ARL10: variants seen among roughly 807,000 people sequenced by gnomAD.
ARL10 encodes ARF like GTPase 10.
ARL10 carries 23 observed loss-of-function variants against 26.1 expected under a neutral mutation model. The ratio of observed to expected loss-of-function variants is 0.88; its 90% CI spans 0.63 to 1.25. The LOEUF (loss-of-function observed/expected upper bound fraction) is 1.25. ARL10 is among the 50% of genes most tolerant of loss of function. The pLI is 0.00. For synonymous variants in ARL10, 138 were observed against 149.1 expected, an observed-to-expected ratio of 0.93 and a Z score of 0.54; for missense variants, 300 against 323.6, an observed-to-expected ratio of 0.93 and a Z score of 0.56.
chr5:176,386,428 C>T (rs181955325), downstream of ARL10: 14 of 298,068 alleles, frequency 4.7e-5, no homozygotes, highest in East Asian at 1.0e-3. Flanking sequence ...AGGGTTTACT[C>T]TCCTCCGTTT....
rs969770797 is a variant in ARL10, at chr5:176,374,244, T to G, written c.*2349T>G. The stretch of plus-strand genomic sequence containing the variant: ...AGCTTTAGGCCAGACTTAATTCAGC[T>G]TCACAGTGTCCCTCATTTTGCTCAG... On this transcript the variant is annotated 3_prime_UTR_variant, in exon 4 of 4. Transcript: ENST00000310389. 2.0e-5 allele frequency: 3 copies of G among 152,212 alleles called. No individual in the cohort carries two copies. The highest frequency in any genetic ancestry group is 7.2e-5 in the African/African-American group (3 of 41,454). 9.4% of individuals were successfully genotyped at this position (152,212 alleles called of 1,614,324 possible).
intron 1 of ARL10, among the ~76,000 whole-genome samples, chr5:176,394,898 G>C (rs1581422561): frequency 6.6e-6 from 1 of 151,980 alleles, no homozygotes; most frequent in South Asian, 2.1e-4. Context: ...ATTTCCTCAG[G>C]CTCAACAGAA....
chr5:176,388,118 T>G, intron 1 of ARL10: 2 of 738,974 alleles, frequency 2.7e-6, no homozygotes, highest in South Asian at 1.8e-5. Flanking sequence ...TGTGGGGAGG[T>G]CGAAAACTCG....
rs1257463829 is a variant in ARL10 at position 176,375,027 on chromosome 5, T to C, written c.*3132T>C. The C allele has an allele frequency of 6.6e-6, 1 of 152,120 alleles. No individual in the cohort carries two copies. Among genetic ancestry groups the C allele is most frequent in the Admixed American group, 6.6e-5 (1 of 15,256 alleles). The allele number at this position is 152,120 out of a possible 1,614,324, so 9.4% of individuals were successfully genotyped here. A position where few individuals can be genotyped will look rare whatever the true frequency, so the allele number is the denominator to read the frequency against. On this transcript the variant is annotated 3_prime_UTR_variant, in exon 4 of 4. Transcript: ENST00000310389. ...AGCTCCTAGCTGGGCAAAGGAAATC[T>C]AAAGCTGCATGAAGTTCCATTACGT... is the stretch of plus-strand genomic sequence containing the variant.
chr5:176,388,980 G>C (rs1340673136), downstream of ARL10: 4 of 1,613,854 alleles, frequency 2.5e-6, no homozygotes, highest in Non-Finnish European at 3.4e-6. Flanking sequence ...ATAGGTAAGT[G>C]GGTGCGGTAG....
downstream of ARL10, chr5:176,385,270 AG>A (rs1443117191): frequency 1.2e-6 from 2 of 1,613,304 alleles, no homozygotes; most frequent in African/African-American, 2.7e-5. Context: ...ATAGTCAATG[AG>A]GTCCCGAGAC....
At chr5:176,385,022 G>A (rs556311921), downstream of ARL10, 6 of 591,294 alleles carry the variant, frequency 1.0e-5, no homozygotes, top group Non-Finnish European at 1.5e-5. Flanking sequence ...AGTGAGACTG[G>A]AACCAAGGTC....
chr5:176,388,611 C>G, exon 2 of ARL10: 1 of 1,452,236 alleles, frequency 6.9e-7, no homozygotes, highest in Non-Finnish European at 9.5e-7. Flanking sequence ...CAAACTCCTT[C>G]CGGAAGGCGT....
chr5:176,387,171 C>G lies in ARL10; in HGVS notation c.37-1124C>G, dbSNP rs530900764. 3.3e-5 allele frequency among the ~76,000 whole-genome samples: 5 copies of G among 152,222 alleles called. No homozygotes were observed. The South Asian group carries it at 1.0e-3, about 32-fold the overall frequency. Reference sequence around the variant, plus strand: ...CAATCTTGGTTGACTGCAACCTCCCCCCGGGTTCAAGTGATCTCCTGCCTC... The same window carrying G: ...CAATCTTGGTTGACTGCAACCTCCCGCCGGGTTCAAGTGATCTCCTGCCTC... On this transcript the variant is annotated intron_variant, in intron 1 of 1. Transcript: ENST00000503175.
Position 176,365,535 on chromosome 5 carries a change from A to T in ARL10, c.-29A>T, listed in dbSNP as rs1768247789. On this transcript the variant is annotated 5_prime_UTR_variant, in exon 1 of 4. Transcript: ENST00000310389. ...CGGGCGAGTGGGCTCGGCCTGTGCA[A>T]CCCGCACCTGCGTCCCTCGCCCGGC... 8.2e-7 allele frequency: 1 copy of T among 1,221,554 alleles called. No homozygotes were observed. The highest frequency in any genetic ancestry group is 1.6e-5 in the African/African-American group (1 of 63,832). The allele number at this position is 1,221,554 out of a possible 1,614,324, so 75.7% of individuals were successfully genotyped here. A position where few individuals can be genotyped will look rare whatever the true frequency, so the allele number is the denominator to read the frequency against.
chr5:176,371,951 G>A lies in ARL10; in HGVS notation c.*56G>A. On this transcript the variant is annotated 3_prime_UTR_variant, in exon 4 of 4. Transcript: ENST00000310389. ...TCAAGACCATAGTTGTACTGCTGCTGCTTCATTGCCAGACTGGGCCTGGGG... is the reference window on the plus strand; with the variant it reads ...TCAAGACCATAGTTGTACTGCTGCTACTTCATTGCCAGACTGGGCCTGGGG... 6.4e-7 allele frequency: 1 copy of A among 1,574,508 alleles called. No homozygotes were observed. The highest frequency in any genetic ancestry group is 8.6e-7 in the Non-Finnish European group (1 of 1,158,508).
At chr5:176,392,680 A>C, downstream of ARL10, 1 of 1,416,880 alleles carries the variant, frequency 7.1e-7, no homozygotes, top group Non-Finnish European at 9.8e-7. This position sits in a 1 kb window ranked among gnomAD's most constrained non-coding sequence, Gnocchi z 5.2. Flanking sequence ...GGCTGTGGGT[A>C]GCAGCTGCTG....
rs540837834 is a variant in ARL10, at chr5:176,367,797, C to G, written c.386-1010C>G. The stretch of plus-strand genomic sequence containing the variant: ...CAGACCACCCAATCCAGGGCCAACC[C>G]CTGTTCCACCTCAGCCACTTTCCCT... On this transcript the variant is annotated intron_variant, in intron 2 of 3. Coordinates refer to ENST00000310389, the MANE Select transcript of ARL10 (RefSeq NM_173664.6). The G allele has an allele frequency of 1.4e-4, 67 of 492,180 alleles. No individual in the cohort carries two copies. The Admixed American group carries it at 1.5e-3, about 11-fold the overall frequency. 30.5% of individuals were successfully genotyped at this position (492,180 alleles called of 1,614,324 possible).
At chr5:176,386,851 T>C (rs1755881699), downstream of ARL10, 12 of 1,614,034 alleles carry the variant, frequency 7.4e-6, no homozygotes, top group Non-Finnish European at 9.3e-6. Flanking sequence ...ATTCAGCACA[T>C]AGGGCTTCCG....
At chr5:176,410,599 C>T in the ARL10 span, among the ~76,000 whole-genome samples, 1 of 152,200 alleles carries the variant, frequency 6.6e-6, no homozygotes, top group Non-Finnish European at 1.5e-5. Flanking sequence ...TGCTCAAAAT[C>T]ACCCAGCCAG....
chr5:176,372,901 A>G lies in ARL10; in HGVS notation c.*1006A>G. On this transcript the variant is annotated 3_prime_UTR_variant, in exon 4 of 4. Transcript: ENST00000310389. ...TCATAGAAAATTTGGAACTTAGGAAAATAGCTGGAATCATGAATGACAATG... is the reference window on the plus strand; with the variant it reads ...TCATAGAAAATTTGGAACTTAGGAAGATAGCTGGAATCATGAATGACAATG... 2.5e-6 allele frequency: 1 copy of G among 398,690 alleles called. No individual in the cohort carries two copies. Among genetic ancestry groups the G allele is most frequent in the Non-Finnish European group, 4.4e-6 (1 of 226,068 alleles). The allele number at this position is 398,690 out of a possible 1,614,324, so 24.7% of individuals were successfully genotyped here.
intron 1 of ARL10, chr5:176,396,372 C>A: frequency 9.6e-7 from 1 of 1,046,052 alleles, no homozygotes. Flanking sequence ...GACCATTGCT[C>A]CGAGCCCAGC....
At chr5:176,388,792 G>A (rs1476852136), downstream of ARL10, 3 of 1,605,034 alleles carry the variant, frequency 1.9e-6, no homozygotes, top group African/African-American at 1.3e-5. Flanking sequence ...TCGGAGTCCC[G>A]ATTTTCTCCT....
the ARL10 span, chr5:176,410,206 T>G: frequency 6.5e-7 from 1 of 1,530,492 alleles, no homozygotes; most frequent in Non-Finnish European, 9.0e-7. Context: ...TTTAGGTTAC[T>G]GAGACCAGGG....
Sources: gnomAD v4.1 joint callset for allele counts (sites outside exome capture counted in the v4.1 genomes callset) on GRCh38, gnomAD v4.1.1 for gene constraint, Gnocchi (gnomAD v3.1) non-coding constraint, MANE v1.5 for transcripts, NCBI Gene and HGNC (gene_info 2026-07-23, HGNC 2026-07-21) for gene names.